Variants in ATG4A observed in about 807,000 individuals in gnomAD.
ATG4A encodes the protein cysteine protease ATG4A.
In ATG4A, 22 loss-of-function variants were observed where a neutral mutation model predicts 38.4. The observed-to-expected ratio is 0.57, with a 90% CI of 0.41 to 0.82. ATG4A has a LOEUF of 0.82. ATG4A is among the 40% of genes least tolerant of loss of function. The pLI is 0.00. For synonymous variants in ATG4A, 86 were observed against 100.7 expected (o/e 0.85, Z 0.88); for missense variants, 220 against 290.0 (o/e 0.76, Z 1.75).
At chrX:108,122,468 C>T (rs1355218011) in intron 1 of ATG4A, among the ~76,000 whole-genome samples, 2 of 111,638 alleles carry the variant, frequency 1.8e-5, no homozygotes, top group Non-Finnish European at 3.8e-5. Flanking sequence ...AGCTTTGTGG[C>T]ATTAGTATTT....
intron 9 of ATG4A, chrX:108,143,942 T>C (rs2033364784): frequency 8.7e-6 from 1 of 114,977 alleles, no homozygotes; most frequent in Non-Finnish European, 1.8e-5. Flanking sequence ...GGCATTGTAA[T>C]TGTAACTTCA....
chrX:108,106,309 T>G (rs760660035), intron 1 of ATG4A, among the ~76,000 whole-genome samples: 85 of 111,551 alleles, frequency 7.6e-4, no homozygotes, highest in Non-Finnish European at 1.2e-3. Context: ...AAACCTTACT[T>G]CCCTTTAAGT....
At chrX:108,135,183 G>A (rs2033065489) in intron 6 of ATG4A, among the ~76,000 whole-genome samples, 1 of 112,089 alleles carries the variant, frequency 8.9e-6, no homozygotes, top group African/African-American at 3.2e-5. Flanking sequence ...AACTCCATGA[G>A]GGCAGAGATT....
intron 9 of ATG4A, among the ~76,000 whole-genome samples, chrX:108,143,479 C>G (rs1161568734): frequency 1.8e-5 from 2 of 111,399 alleles, no homozygotes; most frequent in Non-Finnish European, 3.8e-5. Flanking sequence ...CCAAATGGAT[C>G]TCCTGTATTC....
At chrX:108,149,087 A>T (rs988689794) in intron 9 of ATG4A, among the ~76,000 whole-genome samples, 5 of 112,991 alleles carry the variant, frequency 4.4e-5, no homozygotes, top group Admixed American at 2.8e-4. Flanking sequence ...AAAAATGTTA[A>T]ACTTTTCATG....
At chrX:108,107,963 G>A (rs1315261576) in intron 1 of ATG4A, among the ~76,000 whole-genome samples, 1 of 110,892 alleles carries the variant, frequency 9.0e-6, no homozygotes, top group Non-Finnish European at 1.9e-5. Flanking sequence ...GGGGATGTGT[G>A]ACTATTTAAA....
chrX:108,141,855 T>C, intron 9 of ATG4A, among the ~76,000 whole-genome samples: 1 of 111,578 alleles, frequency 9.0e-6, no homozygotes, highest in East Asian at 2.8e-4. Context: ...AGGAGGTACA[T>C]GTGTTTGTTT....
At chrX:108,129,871 T>C (rs1271462220) in intron 3 of ATG4A, among the ~76,000 whole-genome samples, 1 of 84,578 alleles carries the variant, frequency 1.2e-5, no homozygotes, top group African/African-American at 4.4e-5. Context: ...CTCCCGGCCC[T>C]TTTTTTTTTT....
chrX:108,152,224 A>G (rs1305017235), intron 11 of ATG4A, among the ~76,000 whole-genome samples: 16 of 111,973 alleles, frequency 1.4e-4, no homozygotes, highest in Admixed American at 1.0e-3. Context: ...TGATAAGACT[A>G]TGCCTTTTAT....
chrX:108,147,651 T>C (rs192941294), intron 9 of ATG4A, among the ~76,000 whole-genome samples: 67 of 111,660 alleles, frequency 6.0e-4, no homozygotes, highest in Non-Finnish European at 1.0e-3. Flanking sequence ...TTTTCTTTCA[T>C]GACTTTGTCC....
chrX:108,128,996 A>T (rs1320200212), intron 3 of ATG4A, 144 bp downstream of exon 3: 8 of 352,754 alleles, frequency 2.3e-5, no homozygotes, highest in Non-Finnish European at 3.8e-5. Context: ...CTTACACTTC[A>T]TCCAAAAGTT....
chrX:108,109,768 G>A (rs1456484309), intron 1 of ATG4A, among the ~76,000 whole-genome samples: 1 of 111,876 alleles, frequency 8.9e-6, no homozygotes, highest in African/African-American at 3.3e-5. Context: ...GCACCCTGTT[G>A]AAGATCATTT....
At chrX:108,137,338 A>G (rs752176984) in intron 7 of ATG4A, among the ~76,000 whole-genome samples, 168 bp downstream of exon 7, 1 of 112,203 alleles carries the variant, frequency 8.9e-6, no homozygotes, top group Non-Finnish European at 1.9e-5. Context: ...TCTGAGAGGG[A>G]GAACACCATT....
At position 108,153,846 on chromosome X, in the gene ATG4A, G is replaced by A. The variant is rs1249451799; in HGVS notation, c.*134G>A. The A allele has an allele frequency of 1.9e-5, 9 of 472,290 alleles. No homozygotes were observed. Among genetic ancestry groups the A allele is most frequent in the Non-Finnish European group, 3.3e-5 (9 of 272,238 alleles). The allele number at this position is 472,290 out of a possible 1,213,427, so 38.9% of individuals were successfully genotyped here. ...TACAAACTCAATAGCAATCATGACT[G>A]AGCCAATCACTGTTTCTCAGAAAAA... is the stretch of plus-strand genomic sequence containing the variant. On this transcript the variant is annotated 3_prime_UTR_variant, in exon 13 of 13. Transcript: ENST00000372232.
intron 1 of ATG4A, among the ~76,000 whole-genome samples, chrX:108,093,969 C>A (rs2031723551): frequency 9.0e-6 from 1 of 111,456 alleles, no homozygotes; most frequent in Non-Finnish European, 1.9e-5. Context: ...GATCAAGTCC[C>A]TGAGAGATAT....
intron 1 of ATG4A, among the ~76,000 whole-genome samples, chrX:108,110,003 T>A (rs1035065600): frequency 7.2e-5 from 8 of 110,806 alleles, no homozygotes; most frequent in African/African-American, 2.6e-4. Flanking sequence ...TTCTTAAATT[T>A]TGGTTTTATT....
chrX:108,138,489 G>A (rs2033160260), intron 9 of ATG4A, among the ~76,000 whole-genome samples: 1 of 112,405 alleles, frequency 8.9e-6, no homozygotes, highest in African/African-American at 3.2e-5. Context: ...TCTCTCTCCT[G>A]CCTGTGGGGC....
At chrX:108,132,011 G>T (rs974489096) in intron 4 of ATG4A, among the ~76,000 whole-genome samples, 1 of 110,765 alleles carries the variant, frequency 9.0e-6, no homozygotes, top group East Asian at 2.8e-4. Flanking sequence ...GCAATTCTCC[G>T]CCTCAGCCTC....
chrX:108,142,205 G>A (rs1027029345), intron 9 of ATG4A, among the ~76,000 whole-genome samples: 1 of 111,130 alleles, frequency 9.0e-6, no homozygotes, highest in Non-Finnish European at 1.9e-5. Flanking sequence ...TCAGGAGTTC[G>A]AGACCAGCCT....
Sources: allele counts gnomAD v4.1 joint callset (sites outside exome capture counted in the v4.1 genomes callset), GRCh38; gene constraint gnomAD v4.1.1; transcripts MANE v1.5; gene names NCBI Gene and HGNC (gene_info 2026-07-23, HGNC 2026-07-21).